The following ANKHD1 variants were observed in gnomAD, a reference collection of about 807,000 sequenced individuals.
ANKHD1 encodes ankyrin repeat and KH domain containing 1, also known as ankyrin repeat and KH domain-containing protein 1.
A neutral mutation model predicts 230.5 loss-of-function variants in ANKHD1; 31 were observed. The ratio of observed to expected loss-of-function variants is 0.13; its 90% CI spans 0.10 to 0.18. The LOEUF is 0.18. ANKHD1 is among the 10% of genes least tolerant of loss of function. The probability of loss-of-function intolerance (pLI) is 1.00; values close to 1 mark genes in which losing one functional copy is unlikely to be tolerated. For missense variants in ANKHD1, 2,256 were observed against 3,071.3 expected, an observed-to-expected ratio of 0.73 and a Z score of 6.27; for synonymous variants, 1,074 against 1,117.6, an observed-to-expected ratio of 0.96 and a Z score of 0.78.
At chr5:140,431,684 C>T (rs1180481092) in intron 1 of ANKHD1, among the ~76,000 whole-genome samples, 1 of 152,190 alleles carries the variant, frequency 6.6e-6, no homozygotes, top group Non-Finnish European at 1.5e-5. Flanking sequence ...ACCTTATTCT[C>T]TTGATCTCCA....
chr5:140,499,382 A>G (rs1581341927), intron 15 of ANKHD1, among the ~76,000 whole-genome samples: 1 of 152,116 alleles, frequency 6.6e-6, no homozygotes. Flanking sequence ...AATTAATTTT[A>G]CTTAACTCTA....
intron 29 of ANKHD1, 124 bp from the exon 30 acceptor site, chr5:140,535,238 C>CAT (rs1754020016): frequency 7.1e-7 from 1 of 1,406,812 alleles, no homozygotes; most frequent in South Asian, 1.5e-5. Context: ...AAATGAGCCA[C>CAT]ATGCTATCTT....
At position 140,539,045 on chromosome 5, in the gene ANKHD1, G is replaced by T; in HGVS notation, c.7531G>T (p.Val2511Phe). ...PDPAWNPMIK[V>F]IQNSTECTDA... ...TCCTGCTTGGAACCCTATGATAAAAGTTATCCAAAATTCAACTGAATGCAC... is the reference window on the plus strand; with the variant it reads ...TCCTGCTTGGAACCCTATGATAAAATTTATCCAAAATTCAACTGAATGCAC... Residue 2511 changes from valine (V) to phenylalanine (F), a missense_variant, in exon 33 of 34, where the codon GTT becomes TTT. Physicochemically the swap from Val to Phe is conservative, Grantham distance 50. Transcript: ENST00000360839. 6.2e-7 allele frequency: 1 copy of T among 1,612,142 alleles called. No homozygotes were observed. The highest frequency in any genetic ancestry group is 8.5e-7 in the Non-Finnish European group (1 of 1,179,332).
intron 22 of ANKHD1, among the ~76,000 whole-genome samples, chr5:140,512,471 T>A (rs1313781523): frequency 2.0e-5 from 3 of 152,176 alleles, no homozygotes; most frequent in Non-Finnish European, 4.4e-5. Context: ...ACATCACCAA[T>A]GTTTGTTTAA....
intron 5 of ANKHD1, among the ~76,000 whole-genome samples, chr5:140,442,192 A>G (rs987805041): frequency 6.6e-6 from 1 of 151,416 alleles, no homozygotes; most frequent in Non-Finnish European, 1.5e-5. Context: ...GGCGAGTACC[A>G]CCACTCCCGG....
intron 1 of ANKHD1, among the ~76,000 whole-genome samples, chr5:140,417,429 A>C (rs189896007): frequency 6.6e-6 from 1 of 151,398 alleles, no homozygotes; most frequent in Non-Finnish European, 1.5e-5. Flanking sequence ...TAATTAAAAA[A>C]TTTTTTAATT....
chr5:140,535,016 C>G (rs1424974160), intron 29 of ANKHD1, among the ~76,000 whole-genome samples: 1 of 152,192 alleles, frequency 6.6e-6, no homozygotes, highest in Non-Finnish European at 1.5e-5. Flanking sequence ...TTGGGTGCTA[C>G]TTAGTTACAG....
At chr5:140,500,525 G>A (rs950187157) in intron 15 of ANKHD1, among the ~76,000 whole-genome samples, 16 of 151,634 alleles carry the variant, frequency 1.1e-4, no homozygotes, top group East Asian at 3.9e-4. Flanking sequence ...GTGCATGCCT[G>A]TAATCCCAGC....
chr5:140,443,904 T>C (rs1211386151), intron 5 of ANKHD1, among the ~76,000 whole-genome samples: 1 of 152,080 alleles, frequency 6.6e-6, no homozygotes, highest in East Asian at 1.9e-4. Flanking sequence ...TTGGGGGCTT[T>C]AATTTCTGGA....
At chr5:140,439,120 C>G (rs1355773729) in intron 3 of ANKHD1, among the ~76,000 whole-genome samples, 1 of 151,962 alleles carries the variant, frequency 6.6e-6, no homozygotes, top group Non-Finnish European at 1.5e-5. Flanking sequence ...ACAAGAAATA[C>G]GAGTAACTCG....
rs759046661 is a variant in ANKHD1, at chr5:140,528,604, C to A, written c.5658C>A (p.Asn1886Lys). The change falls in exon 29 of 34, where the codon AAC (asparagine) becomes AAA (lysine). Residue 1886 changes from asparagine to lysine, a missense_variant. Asn to Lys is a moderately conservative substitution (Grantham distance 94). Transcript: ENST00000360839. ...GAGGAACCTTCTCACCTTCTCCTAACACATGGGGACCATTCCCAGTGAGAC... is the reference window on the plus strand; with the variant it reads ...GAGGAACCTTCTCACCTTCTCCTAAAACATGGGGACCATTCCCAGTGAGAC... ...QFGGTFSPSP[N>K]TWGPFPVRPV... 6.2e-7 allele frequency: 1 copy of A among 1,614,194 alleles called. No homozygotes were observed. The highest frequency in any genetic ancestry group is 8.5e-7 in the Non-Finnish European group (1 of 1,180,032).
chr5:140,521,903 C>T (rs766926737), intron 24 of ANKHD1, among the ~76,000 whole-genome samples: 2 of 152,158 alleles, frequency 1.3e-5, no homozygotes, highest in African/African-American at 2.4e-5. Flanking sequence ...TGCAGGAACC[C>T]GACAGGCAGA....
intron 24 of ANKHD1, among the ~76,000 whole-genome samples, chr5:140,520,785 G>C (rs1192274539): frequency 4.5e-5 from 6 of 133,134 alleles, no homozygotes; most frequent in Admixed American, 3.8e-4. Context: ...GTTGTGGGGT[G>C]GGGGGGAGGG....
Position 140,535,408 on chromosome 5 carries a change from T to G in ANKHD1, c.6897T>G (p.Ser2299=), listed in dbSNP as rs370221452. The G allele has an allele frequency of 1.2e-6, 2 of 1,613,688 alleles. No individual in the cohort carries two copies. Among genetic ancestry groups the G allele is most frequent in the Non-Finnish European group, 1.7e-6 (2 of 1,179,824 alleles). ...DPSGSSPSSS[S]APLASFSGIP... ...CAGGCAGCTCCCCATCTTCCTCTTC[T>G]GCTCCTCTGGCAAGTTTTTCCGGCA... The change falls in exon 30 of 34, where the codon TCT becomes TCG. Residue 2299 remains serine (S), a synonymous_variant. Coordinates refer to ENST00000360839, the MANE Select transcript of ANKHD1 (RefSeq NM_017747.3).
Position 140,497,264 on chromosome 5 carries a change from A to T in ANKHD1, c.2990A>T (p.Asp997Val). ...GCTCAGACGCTTACCGACACTCTTG[A>T]TGACCTGATAGCAGGTGGGTTAAGA... ...TPAQTLTDTL[D>V]DLIAAVSTRV... The change falls in exon 15 of 34, where the codon GAT (aspartate) becomes GTT (valine). Residue 997 changes from aspartate to valine, a missense_variant. Asp to Val is a radical substitution (Grantham distance 152). Transcript: ENST00000360839. 2 of 1,603,322 alleles carry T rather than the reference A, an allele frequency of 1.2e-6. No individual in the cohort carries two copies. Among genetic ancestry groups the T allele is most frequent in the Non-Finnish European group, 1.7e-6 (2 of 1,179,416 alleles).
At chr5:140,440,884 T>G in intron 4 of ANKHD1, 111 bp from the exon 5 acceptor site, 1 of 1,294,812 alleles carries the variant, frequency 7.7e-7, no homozygotes, top group East Asian at 3.0e-5. Context: ...ATTATTGATT[T>G]TTTCCCACCC....
intron 22 of ANKHD1, among the ~76,000 whole-genome samples, chr5:140,511,790 G>A (rs1027512901): frequency 6.6e-6 from 1 of 152,142 alleles, no homozygotes; most frequent in Non-Finnish European, 1.5e-5. Flanking sequence ...AATTATTTCT[G>A]TAACCCTAGA....
At chr5:140,437,088 AC>A (rs1412049726) in intron 2 of ANKHD1, among the ~76,000 whole-genome samples, 1 of 152,226 alleles carries the variant, frequency 6.6e-6, no homozygotes. Context: ...ATATGTTTGA[AC>A]ATACATGATT....
At chr5:140,451,788 G>A (rs764302712) in intron 7 of ANKHD1, among the ~76,000 whole-genome samples, 9 of 152,148 alleles carry the variant, frequency 5.9e-5, no homozygotes, top group Admixed American at 1.3e-4. Flanking sequence ...GGTTACAGCT[G>A]TGAGCCACTG....
Sources: allele counts gnomAD v4.1 joint callset (sites outside exome capture counted in the v4.1 genomes callset), GRCh38; gene constraint gnomAD v4.1.1; transcripts MANE v1.5; gene names NCBI Gene and HGNC (gene_info 2026-07-23, HGNC 2026-07-21).